TMEM45A: variants seen among roughly 807,000 people sequenced by gnomAD.
The protein encoded by TMEM45A is DNA polymerase-transactivated protein 4.
A neutral mutation model predicts 32.0 loss-of-function variants in TMEM45A; 25 were observed. The observed-to-expected ratio is 0.78, with a 90% CI of 0.57 to 1.09. The LOEUF is 1.09. Among genes scored for constraint, TMEM45A ranks in the 50% least tolerant of loss-of-function variants. TMEM45A has a pLI of 0.00. For synonymous variants in TMEM45A, 122 were observed against 114.8 expected, an observed-to-expected ratio of 1.06 and a Z score of -0.40; for missense variants, 302 against 325.0, an observed-to-expected ratio of 0.93 and a Z score of 0.54.
At position 100,555,285 on chromosome 3, in the gene TMEM45A, G is replaced by A. The variant is rs1044868817; in HGVS notation, c.74G>A (p.Ser25Asn). 1 of 1,613,902 alleles carries A rather than the reference G, an allele frequency of 6.2e-7. No individual in the cohort carries two copies. ...ATTGGTCTTTGGTGGTGTACAAAGAGTATTCTGAAGTATATCTGCAAAAAG... is the reference window on the plus strand; with the variant it reads ...ATTGGTCTTTGGTGGTGTACAAAGAATATTCTGAAGTATATCTGCAAAAAG... ...FIIGLWWCTK[S>N]ILKYICKKQK... is the part of the protein sequence containing the mutation. The change falls in exon 2 of 6, where the codon AGT becomes AAT. Residue 25 changes from serine to asparagine, a missense_variant. Coordinates refer to ENST00000323523, the MANE Select transcript of TMEM45A (RefSeq NM_018004.3).
chr3:100,556,212 C>G (rs1295331201), intron 2 of TMEM45A, among the ~76,000 whole-genome samples: 1 of 152,148 alleles, frequency 6.6e-6, no homozygotes, highest in African/African-American at 2.4e-5. Flanking sequence ...AACTCCTGAC[C>G]TCCAGTGATC....
intron 1 of TMEM45A, among the ~76,000 whole-genome samples, chr3:100,509,340 G>A (rs185954501): frequency 1.3e-5 from 2 of 152,328 alleles, no homozygotes. Context: ...TGGTGAGAAT[G>A]TAAATTAGTA....
intron 1 of TMEM45A, among the ~76,000 whole-genome samples, chr3:100,547,044 C>T (rs2148972353): frequency 6.6e-6 from 1 of 152,276 alleles, no homozygotes; most frequent in Non-Finnish European, 1.5e-5. Context: ...TTCCCCCAAA[C>T]TTGACTGGAA....
intron 1 of TMEM45A, among the ~76,000 whole-genome samples, chr3:100,549,928 A>G (rs1706057916): frequency 6.6e-6 from 1 of 150,558 alleles, no homozygotes; most frequent in Non-Finnish European, 1.5e-5. Flanking sequence ...ATAGTATTCC[A>G]TGGTGTATAT....
chr3:100,548,741 G>A (rs1559647608), intron 1 of TMEM45A, among the ~76,000 whole-genome samples: 1 of 152,198 alleles, frequency 6.6e-6, no homozygotes, highest in African/African-American at 2.4e-5. Context: ...TTGTGAGCAG[G>A]GGCTGTGTCT....
chr3:100,536,839 G>C (rs1437585586), intron 1 of TMEM45A, among the ~76,000 whole-genome samples: 1 of 152,128 alleles, frequency 6.6e-6, no homozygotes, highest in Non-Finnish European at 1.5e-5. Flanking sequence ...CCCAAACCCT[G>C]GCCCCACACC....
At chr3:100,544,063 T>C (rs945357145) in intron 1 of TMEM45A, among the ~76,000 whole-genome samples, 1 of 149,512 alleles carries the variant, frequency 6.7e-6, no homozygotes, top group Non-Finnish European at 1.5e-5. Flanking sequence ...TTTGGACATA[T>C]AGAAGTTTTA....
chr3:100,537,542 A>G (rs1372935327), intron 1 of TMEM45A, among the ~76,000 whole-genome samples: 1 of 152,176 alleles, frequency 6.6e-6, no homozygotes, highest in Non-Finnish European at 1.5e-5. Context: ...GTGCTCTTGT[A>G]GAGAATTTGC....
intron 5 of TMEM45A, among the ~76,000 whole-genome samples, chr3:100,570,169 A>G (rs1488233672): frequency 1.3e-5 from 2 of 152,224 alleles, no homozygotes; most frequent in Non-Finnish European, 2.9e-5. Flanking sequence ...AAATATCCAT[A>G]TATGTGTGGA....
chr3:100,506,017 G>A (rs922664566), intron 1 of TMEM45A, among the ~76,000 whole-genome samples: 2 of 152,174 alleles, frequency 1.3e-5, no homozygotes, highest in African/African-American at 2.4e-5. Flanking sequence ...TGCAGAGGGG[G>A]CCCTCAAGGA....
intron 4 of TMEM45A, among the ~76,000 whole-genome samples, chr3:100,563,335 A>G (rs1215106449): frequency 6.6e-6 from 1 of 152,218 alleles, no homozygotes; most frequent in African/African-American, 2.4e-5. Flanking sequence ...TTACCTCTGC[A>G]AATACTCTGT....
At chr3:100,556,997 G>A (rs192982853) in intron 3 of TMEM45A, 25 bp downstream of exon 3, 22 of 1,609,080 alleles carry the variant, frequency 1.4e-5, no homozygotes, top group Non-Finnish European at 1.1e-5. Context: ...GTATTTTCAT[G>A]TACCTTTCTC....
chr3:100,497,767 A>T (rs1438374860), intron 1 of TMEM45A, among the ~76,000 whole-genome samples: 1 of 152,174 alleles, frequency 6.6e-6, no homozygotes, highest in Non-Finnish European at 1.5e-5. Flanking sequence ...ATAATATTTC[A>T]TTGTATGTAT....
At chr3:100,567,090 CTT>C (rs989688551) in intron 4 of TMEM45A, among the ~76,000 whole-genome samples, 1 of 151,832 alleles carries the variant, frequency 6.6e-6, no homozygotes, top group African/African-American at 2.4e-5. Flanking sequence ...TCCCTATTTT[CTT>C]TTAGGAATTT....
At chr3:100,568,446 A>G (rs1406598476) in intron 4 of TMEM45A, among the ~76,000 whole-genome samples, 7 of 152,216 alleles carry the variant, frequency 4.6e-5, no homozygotes, top group Non-Finnish European at 2.9e-5. Flanking sequence ...GTCTTTTACC[A>G]TTAAATATAA....
intron 4 of TMEM45A, among the ~76,000 whole-genome samples, chr3:100,564,474 G>GTT (rs372982304): frequency 3.6e-4 from 52 of 142,868 alleles, no homozygotes; most frequent in East Asian, 1.4e-3. Flanking sequence ...TATTATTATT[G>GTT]TTTTTTTTTT....
At chr3:100,496,638 A>G (rs758375316) in intron 1 of TMEM45A, among the ~76,000 whole-genome samples, 2 of 152,260 alleles carry the variant, frequency 1.3e-5, no homozygotes, top group African/African-American at 4.8e-5. Context: ...CAGAATATCA[A>G]TGTGAATCTT....
rs369165544 is a variant in TMEM45A, at chr3:100,507,635, T to C, written c.-4+14707T>C. Among the ~76,000 whole-genome samples, 6 of 151,812 alleles carry C rather than the reference T, an allele frequency of 4.0e-5. No individual in the cohort carries two copies. The East Asian group carries it at 9.7e-4, about 24-fold the overall frequency. Reference sequence around the variant, plus strand: ...TGTACCATGGATTGAGTAACTAGAGTTGGGATGCAGGGATGAAGAATGGAT... The same window carrying C: ...TGTACCATGGATTGAGTAACTAGAGCTGGGATGCAGGGATGAAGAATGGAT... On this transcript the variant is annotated intron_variant, in intron 1 of 5. Coordinates refer to ENST00000323523, the MANE Select transcript of TMEM45A (RefSeq NM_018004.3).
chr3:100,493,793 A>T (rs1312307718), intron 1 of TMEM45A, among the ~76,000 whole-genome samples: 2 of 152,138 alleles, frequency 1.3e-5, no homozygotes, highest in African/African-American at 4.8e-5. Flanking sequence ...GTGCAATGGC[A>T]CGATCTCGGC....
Sources: allele counts gnomAD v4.1 joint callset (sites outside exome capture counted in the v4.1 genomes callset), GRCh38; gene constraint gnomAD v4.1.1; transcripts MANE v1.5; gene names NCBI Gene and HGNC (gene_info 2026-07-23, HGNC 2026-07-21).